The following PI4KA variants were observed in gnomAD, a reference collection of about 807,000 sequenced individuals.
PI4KA encodes the protein phosphatidylinositol 4-kinase alpha, also known as PI4-kinase alpha.
A neutral mutation model predicts 271.4 loss-of-function variants in PI4KA; 122 were observed. That is an observed-to-expected ratio of 0.45 (90% CI 0.39 to 0.52). PI4KA has a LOEUF of 0.52. PI4KA is among the 20% of genes least tolerant of loss of function. The pLI, the probability that PI4KA is intolerant of heterozygous loss-of-function variation, is 0.00. For missense variants in PI4KA, 1,969 were observed against 2,769.1 expected (o/e 0.71, Z 6.48); for synonymous variants, 1,041 against 1,078.8 (o/e 0.96, Z 0.69).
intron 3 of PI4KA, among the ~76,000 whole-genome samples, chr22:20,826,913 G>A (rs557895850): frequency 1.3e-5 from 2 of 151,402 alleles, no homozygotes; most frequent in East Asian, 3.9e-4. Context: ...TTTTTTGTTT[G>A]TAAATTTAAG....
Position 20,834,038 on chromosome 22 carries a change from G to T in PI4KA, c.367+524C>A, listed in dbSNP as rs375379888. On this transcript the variant is annotated intron_variant, in intron 3 of 54. Coordinates refer to ENST00000255882, the MANE Select transcript of PI4KA (RefSeq NM_058004.4). ...CAGAGTGCTAGAATTACAGGAGTGA[G>T]CCACCATACCAGCCAATTTATTCCG... 2.4e-4 allele frequency among the ~76,000 whole-genome samples: 37 copies of T among 152,222 alleles called. No homozygotes were observed. The South Asian group carries it at 7.3e-3, about 30-fold the overall frequency.
intron 45 of PI4KA, among the ~76,000 whole-genome samples, chr22:20,717,181 A>T (rs1026517139): frequency 5.9e-5 from 9 of 152,158 alleles, no homozygotes; most frequent in African/African-American, 1.9e-4. Flanking sequence ...TCAAAAAAAC[A>T]ACAACAAAAA....
At chr22:20,841,080 A>T (rs965275503) in intron 1 of PI4KA, among the ~76,000 whole-genome samples, 1 of 152,226 alleles carries the variant, frequency 6.6e-6, no homozygotes, top group Non-Finnish European at 1.5e-5. Context: ...AAACCCACCA[A>T]AACCAAGATG....
At chr22:20,763,501 G>A (rs1428906093) in intron 22 of PI4KA, among the ~76,000 whole-genome samples, 18 of 149,206 alleles carry the variant, frequency 1.2e-4, no homozygotes, top group East Asian at 8.1e-4. Context: ...GTGCAGTGGC[G>A]CGATCTCAGC....
rs1226285683 is a variant in PI4KA at position 20,726,494 on chromosome 22, G to A, written c.4989C>T (p.Tyr1663=). 11 of 1,566,006 alleles carry A rather than the reference G, an allele frequency of 7.0e-6. No homozygotes were observed. The East Asian group carries it at 7.3e-5, about 10-fold the overall frequency. ...YIPQIVQALR[Y]DKMGYVREYI... ...CATGCAGGTGCAGGCTTACCTTGTC[G>A]TACCTGAGGGCCTGCACAATCTGGG... Residue 1663 remains tyrosine (Y), a synonymous_variant, in exon 42 of 55, where the codon TAC becomes TAT. Coordinates refer to ENST00000255882, the MANE Select transcript of PI4KA (RefSeq NM_058004.4).
chr22:20,814,837 G>A (rs1441105407), intron 7 of PI4KA, among the ~76,000 whole-genome samples: 1 of 150,640 alleles, frequency 6.6e-6, no homozygotes, highest in Non-Finnish European at 1.5e-5. Flanking sequence ...CAAAAATAAA[G>A]TCATTCAGTC....
rs5996654 is a variant in PI4KA at position 20,712,501 on chromosome 22, A to G, written c.5787T>C (p.Thr1929=). ...YFTRQYGDES[T]LAFQQARYNF... ...CCCTGGCTACCTGCTGGAAGGCCAG[A>G]GTGGACTCATCCCCGTACTGGCGTG... is the stretch of plus-strand genomic sequence containing the variant. The change falls in exon 50 of 55, where the codon ACT becomes ACC. Residue 1929 remains threonine, a synonymous_variant. Transcript: ENST00000255882. 598,267 of 1,602,280 alleles carry G rather than the reference A, an allele frequency of 0.37. 113,814 individuals are homozygous for G. The highest frequency in any genetic ancestry group is 0.49 in the Admixed American group (28,263 of 58,242).
At position 20,744,570 on chromosome 22, in the gene PI4KA, A is replaced by G. The variant is rs1222153649; in HGVS notation, c.3456+58T>C. The G allele has an allele frequency of 2.5e-6, 3 of 1,220,426 alleles. No homozygotes were observed. The African/African-American group carries it at 4.5e-5, about 18-fold the overall frequency. The allele number at this position is 1,220,426 out of a possible 1,614,324, so 75.6% of individuals were successfully genotyped here. A position where few individuals can be genotyped will look rare whatever the true frequency, so the allele number is the denominator to read the frequency against. On this transcript the variant is annotated intron_variant, in intron 30 of 54. Transcript: ENST00000255882. ...CATTTTCCACTAGGAAGCGGCCAAC[A>G]GGCCTCAAAACAAGAGGACACGTTA...
At chr22:20,727,053 A>C (rs776915772) in intron 41 of PI4KA, among the ~76,000 whole-genome samples, 177 bp downstream of exon 41, 1 of 152,150 alleles carries the variant, frequency 6.6e-6, no homozygotes, top group Non-Finnish European at 1.5e-5. Flanking sequence ...GTAACTAGAG[A>C]ACACATTTGA....
At chr22:20,847,687 T>G (rs773221695) in intron 1 of PI4KA, among the ~76,000 whole-genome samples, 4 of 151,522 alleles carry the variant, frequency 2.6e-5, no homozygotes, top group East Asian at 1.9e-4. Flanking sequence ...GTCCAGGCTA[T>G]AGTAAGCTGT....
At position 20,793,318 on chromosome 22, in the gene PI4KA, C is replaced by T. The variant is rs182152082; in HGVS notation, c.2278-75G>A. On this transcript the variant is annotated intron_variant, in intron 18 of 54. Transcript: ENST00000255882. ...TAAAAAAAAAAAACACAAGATACAA[C>T]ATAGTGTTATGTAAACCTGGAATGT... is the stretch of plus-strand genomic sequence containing the variant. The T allele has an allele frequency of 1.8e-3, 1,456 of 827,128 alleles. 18 individuals carry two copies. The African/African-American group carries it at 0.023, about 13-fold the overall frequency. The allele number at this position is 827,128 out of a possible 1,614,324, so 51.2% of individuals were successfully genotyped here.
intron 32 of PI4KA, among the ~76,000 whole-genome samples, chr22:20,741,062 C>T (rs543884150): frequency 1.3e-5 from 2 of 152,240 alleles, no homozygotes; most frequent in African/African-American, 2.4e-5. Flanking sequence ...CTTTGAAAGA[C>T]TTTTGATTTT....
intron 38 of PI4KA, 55 bp from the exon 39 acceptor site, chr22:20,729,561 A>C: frequency 6.4e-7 from 1 of 1,551,304 alleles, no homozygotes; most frequent in South Asian, 1.2e-5. Context: ...GTGCCCACAC[A>C]CTGCCCCGGC....
intron 8 of PI4KA, among the ~76,000 whole-genome samples, chr22:20,812,606 G>A (rs1396057502): frequency 6.6e-6 from 1 of 152,144 alleles, no homozygotes; most frequent in African/African-American, 2.4e-5. Flanking sequence ...CCAGGCTGGA[G>A]TGCAGTGCTG....
chr22:20,792,457 T>C (rs2147552334), intron 19 of PI4KA, among the ~76,000 whole-genome samples: 1 of 152,120 alleles, frequency 6.6e-6, no homozygotes, highest in East Asian at 1.9e-4. Context: ...TGCTCAAGAC[T>C]CAAACTACTA....
intron 1 of PI4KA, among the ~76,000 whole-genome samples, chr22:20,844,323 C>T (rs1164002125): frequency 6.6e-6 from 1 of 152,256 alleles, no homozygotes; most frequent in African/African-American, 2.4e-5. Flanking sequence ...AGGTACAGGG[C>T]TACTAGAAAG....
chr22:20,791,900 A>T (rs1934670607), intron 19 of PI4KA, among the ~76,000 whole-genome samples: 1 of 152,190 alleles, frequency 6.6e-6, no homozygotes. Context: ...CAGGAGTTCG[A>T]GACCAGCCTG....
At chr22:20,752,428 G>A (rs971703462) in intron 25 of PI4KA, among the ~76,000 whole-genome samples, 10 of 152,352 alleles carry the variant, frequency 6.6e-5, no homozygotes, top group African/African-American at 2.4e-4. Context: ...CCTTGGAGAA[G>A]CTGGTCCAGC....
chr22:20,779,897 C>T, intron 19 of PI4KA: 1 of 1,614,228 alleles, frequency 6.2e-7, no homozygotes, highest in Non-Finnish European at 8.5e-7. Flanking sequence ...AGTATGAAAT[C>T]ACGACCATTC....
Sources: allele counts gnomAD v4.1 joint callset (sites outside exome capture counted in the v4.1 genomes callset), GRCh38; gene constraint gnomAD v4.1.1; transcripts MANE v1.5; gene names NCBI Gene and HGNC (gene_info 2026-07-23, HGNC 2026-07-21).